FGF12: variants seen among roughly 807,000 people sequenced by gnomAD.
FGF12 encodes fibroblast growth factor 12.
In FGF12, 14 loss-of-function variants were observed where a neutral mutation model predicts 23.6. The observed-to-expected ratio is 0.59, with a 90% CI of 0.39 to 0.93. The LOEUF is 0.93. FGF12 is among the 40% of genes least tolerant of loss of function. The pLI is 0.00. For synonymous variants in FGF12, 62 were observed against 77.3 expected (o/e 0.80, Z 1.04); for missense variants, 175 against 217.8 (o/e 0.80, Z 1.24).
At chr3:192,506,116 G>A (rs550951135) in intron 2 of FGF12, among the ~76,000 whole-genome samples, 2 of 152,328 alleles carry the variant, frequency 1.3e-5, no homozygotes, top group Admixed American at 6.5e-5. Context: ...CATAGCTTCT[G>A]TAAGCCAGCC....
chr3:192,617,437 G>A (rs1714801820), intron 2 of FGF12, among the ~76,000 whole-genome samples: 1 of 152,000 alleles, frequency 6.6e-6, no homozygotes, highest in East Asian at 1.9e-4. Flanking sequence ...TCATAAAATT[G>A]GAGAAGTCAT....
In FGF12 at chr3:192,509,987, T is replaced by C. The variant is rs56045335; in HGVS notation, c.14-149449A>G. On this transcript the variant is annotated intron_variant, in intron 2 of 5. Coordinates refer to ENST00000445105, the MANE Select transcript of FGF12 (RefSeq NM_004113.6). ...CAAAAAGAAGTTTTAACTTTTTATT[T>C]GCATTAAATGTCTATCATAGGTCAT... Among the ~76,000 whole-genome samples the C allele has an allele frequency of 5.4e-3, 825 of 152,296 alleles. 8 individuals are homozygous for C. The highest frequency in any genetic ancestry group is 0.019 in the African/African-American group (789 of 41,546).
intron 4 of FGF12, among the ~76,000 whole-genome samples, chr3:192,321,319 C>G (rs1453002487): frequency 6.6e-6 from 1 of 151,740 alleles, no homozygotes; most frequent in Non-Finnish European, 1.5e-5. Context: ...CAAAAAGTCT[C>G]CCAAAAAAGA....
At chr3:192,515,005 C>T (rs1454937950) in intron 2 of FGF12, 1 of 267,870 alleles carries the variant, frequency 3.7e-6, no homozygotes, top group Non-Finnish European at 5.7e-6. Context: ...TGGGCTCGAG[C>T]ACGGCCCCTT....
intron 2 of FGF12, among the ~76,000 whole-genome samples, chr3:192,522,434 G>A (rs6766547): frequency 6.6e-6 from 1 of 152,064 alleles, no homozygotes; most frequent in African/African-American, 2.4e-5. Flanking sequence ...AAGATTTCAA[G>A]GATAAAAATG....
intron 2 of FGF12, among the ~76,000 whole-genome samples, chr3:192,672,200 G>A (rs1286926769): frequency 6.9e-6 from 1 of 144,692 alleles, no homozygotes; most frequent in African/African-American, 2.4e-5. Flanking sequence ...CCTGGGGTGG[G>A]TAGGAGTGGG....
intron 2 of FGF12, among the ~76,000 whole-genome samples, chr3:192,719,786 CA>C (rs553013127): frequency 0.5 from 50,957 of 102,206 alleles, 9,283 homozygotes; most frequent in Middle Eastern, 0.65. Context: ...AGACTAAGGG[CA>C]AAAAAAAAAA....
intron 4 of FGF12, among the ~76,000 whole-genome samples, chr3:192,267,807 A>T (rs1713174276): frequency 6.6e-6 from 1 of 152,202 alleles, no homozygotes; most frequent in African/African-American, 2.4e-5. Flanking sequence ...TTAAATTATA[A>T]AATATGATTT....
In FGF12 at chr3:192,388,645, G is replaced by A. The variant is rs868382877; in HGVS notation, c.14-28107C>T. ...GAATAAAAGTTGAAGATAGAATATA[G>A]AAGGTAAAATTAAAATTTAAAAATT... On this transcript the variant is annotated intron_variant, in intron 2 of 5. Coordinates refer to ENST00000445105, the MANE Select transcript of FGF12 (RefSeq NM_004113.6). 1.4e-4 allele frequency among the ~76,000 whole-genome samples: 21 copies of A among 152,040 alleles called. 1 individual carries two copies. The highest frequency in any genetic ancestry group is 1.2e-3 in the South Asian group (6 of 4,816).
chr3:192,457,055 G>C (rs1722703283), intron 2 of FGF12, among the ~76,000 whole-genome samples: 1 of 152,126 alleles, frequency 6.6e-6, no homozygotes, highest in South Asian at 2.1e-4. Context: ...TTTTATCAGG[G>C]GTTTCCGCTT....
intron 2 of FGF12, among the ~76,000 whole-genome samples, chr3:192,670,288 T>C (rs1392900995): frequency 6.6e-6 from 1 of 152,162 alleles, no homozygotes; most frequent in Non-Finnish European, 1.5e-5. Context: ...ATATTGCTTA[T>C]AGTAGCATGT....
chr3:192,397,847 T>C (rs1720589173), intron 2 of FGF12, among the ~76,000 whole-genome samples: 1 of 152,212 alleles, frequency 6.6e-6, no homozygotes, highest in Non-Finnish European at 1.5e-5. Context: ...TTCTTAATGA[T>C]TTTTAATGCA....
intron 2 of FGF12, among the ~76,000 whole-genome samples, chr3:192,471,141 G>T (rs1428523915): frequency 6.6e-6 from 1 of 152,152 alleles, no homozygotes; most frequent in East Asian, 1.9e-4. Context: ...TAGGAACGGT[G>T]CCTGGCAAGG....
At chr3:192,188,150 A>C (rs2108643526) in intron 4 of FGF12, among the ~76,000 whole-genome samples, 1 of 152,342 alleles carries the variant, frequency 6.6e-6, no homozygotes, top group East Asian at 1.9e-4. Context: ...TTTCATAATC[A>C]TGTGATTCTA....
intron 4 of FGF12, among the ~76,000 whole-genome samples, chr3:192,247,951 A>T (rs774028110): frequency 1.3e-5 from 2 of 152,208 alleles, no homozygotes; most frequent in Non-Finnish European, 2.9e-5. Flanking sequence ...ATTGGGGCCC[A>T]CATACTGCTT....
At chr3:192,365,488 T>G (rs1373618947) in intron 2 of FGF12, among the ~76,000 whole-genome samples, 1 of 152,120 alleles carries the variant, frequency 6.6e-6, no homozygotes, top group Non-Finnish European at 1.5e-5. Flanking sequence ...TGACAAATAT[T>G]GTACATTAAT....
chr3:192,572,467 G>A (rs1204521436), intron 2 of FGF12, among the ~76,000 whole-genome samples: 1 of 151,970 alleles, frequency 6.6e-6, no homozygotes, highest in Non-Finnish European at 1.5e-5. Flanking sequence ...TTAATCAAAA[G>A]GACACAATAA....
chr3:192,229,800 G>C (rs979718923), intron 4 of FGF12, among the ~76,000 whole-genome samples: 1 of 152,054 alleles, frequency 6.6e-6, no homozygotes, highest in Admixed American at 6.5e-5. Context: ...TCTACTCATG[G>C]AATCCGAAAA....
chr3:192,727,468 T>C lies in FGF12; in HGVS notation c.-131+16A>G. The C allele has an allele frequency of 1.2e-6, 1 of 826,872 alleles. No individual in the cohort carries two copies. The highest frequency in any genetic ancestry group is 1.8e-6 in the Non-Finnish European group (1 of 555,880). 51.2% of individuals were successfully genotyped at this position (826,872 alleles called of 1,614,324 possible). On this transcript the variant is annotated intron_variant, in intron 1 of 5. Transcript: ENST00000445105. ...ATGCACAGTGCCCGCTCAGATTTTTTTTTTTTTTTTTTTACCTGGGTCTGG... is the reference window on the plus strand; with the variant it reads ...ATGCACAGTGCCCGCTCAGATTTTTCTTTTTTTTTTTTTACCTGGGTCTGG...
Sources: allele counts gnomAD v4.1 joint callset (sites outside exome capture counted in the v4.1 genomes callset), GRCh38; gene constraint gnomAD v4.1.1; transcripts MANE v1.5; gene names NCBI Gene and HGNC (gene_info 2026-07-23, HGNC 2026-07-21).